Variants in WASHC2C observed in about 807,000 individuals in gnomAD.
WASHC2C encodes WASH complex subunit 2C.
WASHC2C carries 73 observed loss-of-function variants against 142.2 expected under a neutral mutation model. That is an observed-to-expected ratio of 0.51 (90% CI 0.43 to 0.62). The LOEUF (loss-of-function observed/expected upper bound fraction) is 0.62. WASHC2C is among the 20% of genes least tolerant of loss of function. The probability of loss-of-function intolerance (pLI) is 0.00; values close to 1 mark genes in which losing one functional copy is unlikely to be tolerated. For synonymous variants in WASHC2C, 337 were observed against 565.5 expected (o/e 0.60, Z 5.73); for missense variants, 969 against 1,531.7 (o/e 0.63, Z 6.13).
At chr10:45,784,272 A>ATC (rs1564819838) in intron 23 of WASHC2C, among the ~76,000 whole-genome samples, 2 of 5,988 alleles carry the variant, frequency 3.3e-4, no homozygotes, top group African/African-American at 6.2e-4. Flanking sequence ...ATATATATAT[A>ATC]TATATATATA....
chr10:45,739,325 CTG>C (rs2051687510), intron 4 of WASHC2C, among the ~76,000 whole-genome samples: 1 of 148,430 alleles, frequency 6.7e-6, no homozygotes, highest in Non-Finnish European at 1.5e-5. Flanking sequence ...CAGAACAACA[CTG>C]TGTGGTTTGG....
chr10:45,792,346 A>T lies in WASHC2C; in HGVS notation c.3972A>T (p.Glu1324Asp). Reference sequence around the variant, plus strand: ...AGGCCGCACCTGAACCAAGATTTGAACACAAGGTGTCCAACATCTTTGATG... The same window carrying T: ...AGGCCGCACCTGAACCAAGATTTGATCACAAGGTGTCCAACATCTTTGATG... ...SAQAAPEPRFEHKVSNIFDDP... is the reference protein window; with the variant it reads ...SAQAAPEPRFDHKVSNIFDDP... Residue 1324 changes from glutamate to aspartate, a missense_variant, in exon 31 of 31, where the codon GAA becomes GAT. By Grantham distance (45) the Glu-to-Asp change is conservative. Coordinates refer to ENST00000623400, the MANE Select transcript of WASHC2C (RefSeq NM_001330074.2). 6.4e-7 allele frequency: 1 copy of T among 1,565,582 alleles called. No homozygotes were observed. The highest frequency in any genetic ancestry group is 8.7e-7 in the Non-Finnish European group (1 of 1,146,876).
chr10:45,747,264 C>T (rs1454220804), intron 8 of WASHC2C, among the ~76,000 whole-genome samples: 1 of 152,054 alleles, frequency 6.6e-6, no homozygotes. Context: ...CCTCAGCCTC[C>T]CGAGTAGCTG....
intron 17 of WASHC2C, among the ~76,000 whole-genome samples, chr10:45,761,989 T>A (rs2055154990): frequency 6.7e-6 from 1 of 149,814 alleles, no homozygotes; most frequent in African/African-American, 2.5e-5. Context: ...TATTTAGGAG[T>A]AGACAGCGAC....
intron 8 of WASHC2C, among the ~76,000 whole-genome samples, chr10:45,748,860 C>T (rs1554872536): frequency 6.6e-6 from 1 of 152,186 alleles, no homozygotes; most frequent in East Asian, 1.9e-4. Context: ...TCTCTGCATA[C>T]TCTTCAGAGG....
intron 21 of WASHC2C, among the ~76,000 whole-genome samples, chr10:45,775,783 G>A (rs1239504174): frequency 1.5e-3 from 226 of 148,834 alleles, no homozygotes; most frequent in African/African-American, 4.2e-3. Context: ...CCGGGTTCAC[G>A]CCATTCTGCC....
intron 3 of WASHC2C, among the ~76,000 whole-genome samples, chr10:45,737,058 A>T (rs1240531204): frequency 6.6e-6 from 1 of 151,610 alleles, no homozygotes; most frequent in African/African-American, 2.4e-5. Flanking sequence ...GGCTCACTGC[A>T]GCCTTTACCT....
chr10:45,779,985 A>C (rs2057374641), intron 23 of WASHC2C, among the ~76,000 whole-genome samples: 5 of 126,052 alleles, frequency 4.0e-5, no homozygotes, highest in African/African-American at 1.4e-4. Flanking sequence ...CTCCATCTCA[A>C]AAAAAAAAAA....
Position 45,754,950 on chromosome 10 carries a change from T to A in WASHC2C, c.1255T>A (p.Phe419Ile). The stretch of plus-strand genomic sequence containing the variant: ...TTCACTCACAGGAGACACGGATGTG[T>A]TTGGTGCTGCCTCCGTTCCATCACT... The part of the protein sequence containing the change: ...VSVFLGDTDV[F>I]GAASVPSLKE... Residue 419 changes from phenylalanine (F) to isoleucine (I), a missense_variant, in exon 15 of 31, where the codon TTT becomes ATT. Phe to Ile is a conservative substitution (Grantham distance 21). Coordinates refer to ENST00000623400, the MANE Select transcript of WASHC2C (RefSeq NM_001330074.2). The A allele has an allele frequency of 6.2e-7, 1 of 1,611,924 alleles. No individual in the cohort carries two copies.
In WASHC2C at chr10:45,765,878, A is replaced by T. The variant is rs1278698687; in HGVS notation, c.1869+68A>T. 11 of 1,595,134 alleles carry T rather than the reference A, an allele frequency of 6.9e-6. No individual in the cohort carries two copies. The East Asian group carries it at 2.0e-4, about 29-fold the overall frequency. On this transcript the variant is annotated intron_variant, in intron 19 of 30. Coordinates refer to ENST00000623400, the MANE Select transcript of WASHC2C (RefSeq NM_001330074.2). ...GGATTTAAGAGTTAAAGCCATCCCAAGTCTTTTTCTACCTGTTTTATATCT... is the reference window on the plus strand; with the variant it reads ...GGATTTAAGAGTTAAAGCCATCCCATGTCTTTTTCTACCTGTTTTATATCT...
intron 23 of WASHC2C, among the ~76,000 whole-genome samples, chr10:45,784,265 T>TATATATATATATATATATACACACACAC: frequency 1.8e-4 from 1 of 5,666 alleles, no homozygotes; most frequent in South Asian, 0.021. Flanking sequence ...TATATATATA[T>TATATATATATATATATATACACACACAC]ATATATATAT....
chr10:45,784,252 G>GTATATATATATATA (rs71225139), intron 23 of WASHC2C, among the ~76,000 whole-genome samples: 8 of 40,714 alleles, frequency 2.0e-4, no homozygotes, highest in African/African-American at 3.9e-4. Flanking sequence ...GTGTGTGTGT[G>GTATATATATATATA]TATATATATA....
chr10:45,759,136 C>A (rs1554878777), intron 16 of WASHC2C, among the ~76,000 whole-genome samples, 179 bp from the exon 17 acceptor site: 1 of 136,900 alleles, frequency 7.3e-6, no homozygotes, highest in African/African-American at 2.7e-5. Context: ...CCAGATGTGT[C>A]CTCTGTTTGT....
chr10:45,784,255 T>C (rs1564819192), intron 23 of WASHC2C, among the ~76,000 whole-genome samples: 21 of 6,058 alleles, frequency 3.5e-3, no homozygotes, highest in East Asian at 0.012. Context: ...TGTGTGTGTA[T>C]ATATATATAT....
chr10:45,770,744 G>C (rs1554884311), intron 20 of WASHC2C, among the ~76,000 whole-genome samples: 1 of 152,170 alleles, frequency 6.6e-6, no homozygotes, highest in East Asian at 1.9e-4. Context: ...ATAGGCTCTG[G>C]AAAGTTGATA....
At chr10:45,788,175 A>G (rs1280087466) in intron 28 of WASHC2C, among the ~76,000 whole-genome samples, 1 of 152,234 alleles carries the variant, frequency 6.6e-6, no homozygotes, top group African/African-American at 2.4e-5. Flanking sequence ...TGACAACACA[A>G]TCATACTTTG....
chr10:45,734,265 A>G (rs1272316360), intron 3 of WASHC2C, among the ~76,000 whole-genome samples: 2 of 151,766 alleles, frequency 1.3e-5, no homozygotes, highest in Non-Finnish European at 2.9e-5. Context: ...AATTGAACCT[A>G]CAAAAAATCA....
chr10:45,741,228 A>G (rs1277157426), intron 5 of WASHC2C, among the ~76,000 whole-genome samples: 2 of 152,152 alleles, frequency 1.3e-5, no homozygotes, highest in Non-Finnish European at 2.9e-5. Flanking sequence ...GATTACAGAC[A>G]TGAGCCACCC....
chr10:45,736,786 A>G (rs1274125028), intron 3 of WASHC2C, among the ~76,000 whole-genome samples: 1 of 152,124 alleles, frequency 6.6e-6, no homozygotes, highest in Non-Finnish European at 1.5e-5. Context: ...ATGTGCCTTT[A>G]TATTGACTTA....
Sources: gnomAD v4.1 joint callset for allele counts (sites outside exome capture counted in the v4.1 genomes callset) on GRCh38, gnomAD v4.1.1 for gene constraint, MANE v1.5 for transcripts, NCBI Gene and HGNC (gene_info 2026-07-23, HGNC 2026-07-21) for gene names.